FGFR1OP2: variants seen among roughly 807,000 people sequenced by gnomAD.
FGFR1OP2 encodes the protein fibroblast growth factor receptor 1 oncogene partner 2.
FGFR1OP2 carries 17 observed loss-of-function variants against 35.2 expected under a neutral mutation model. The ratio of observed to expected loss-of-function variants is 0.48; its 90% CI spans 0.33 to 0.73. FGFR1OP2 has a LOEUF of 0.73. FGFR1OP2 is among the 30% of genes least tolerant of loss of function. The pLI is 0.02. For missense variants in FGFR1OP2, 251 were observed against 307.3 expected (o/e 0.82, Z 1.37); for synonymous variants, 105 against 104.6 (o/e 1.00, Z -0.03).
intron 5 of FGFR1OP2, 129 bp from the exon 6 acceptor site, chr12:26,963,213 G>A (rs1025407462): frequency 1.5e-5 from 8 of 531,190 alleles, no homozygotes; most frequent in Non-Finnish European, 2.4e-5. Context: ...GTTAATATTT[G>A]TTTTATTCAT....
intron 5 of FGFR1OP2, chr12:26,963,044 C>CA (rs1211534053): frequency 7.0e-4 from 143 of 205,058 alleles, no homozygotes; most frequent in South Asian, 1.4e-3. Flanking sequence ...TATGTAAGTG[C>CA]AAAAAAAAAG....
chr12:26,949,402 G>C (rs1938880560), intron 1 of FGFR1OP2, among the ~76,000 whole-genome samples: 1 of 152,014 alleles, frequency 6.6e-6, no homozygotes, highest in African/African-American at 2.4e-5. Flanking sequence ...AAAGTGCTGG[G>C]ATTACAGGTG....
intron 2 of FGFR1OP2, 66 bp from the exon 3 acceptor site, chr12:26,956,477 A>ATC (rs1336074583): frequency 4.0e-6 from 1 of 251,464 alleles, no homozygotes; most frequent in Non-Finnish European, 6.1e-6. Context: ...ATATTTATAT[A>ATC]TCATATATAT....
intron 1 of FGFR1OP2, among the ~76,000 whole-genome samples, chr12:26,940,257 A>G (rs928557883): frequency 3.3e-5 from 5 of 152,198 alleles, no homozygotes; most frequent in African/African-American, 9.7e-5. Flanking sequence ...TGAAACTTAT[A>G]TTCAGCCACA....
chr12:26,940,441 C>A (rs1446233729), intron 1 of FGFR1OP2, among the ~76,000 whole-genome samples: 1 of 152,128 alleles, frequency 6.6e-6, no homozygotes, highest in Non-Finnish European at 1.5e-5. Context: ...TCACATACAG[C>A]GATGTGCCTT....
intron 1 of FGFR1OP2, among the ~76,000 whole-genome samples, chr12:26,952,991 G>T (rs61618590): frequency 1.3e-5 from 2 of 151,972 alleles, no homozygotes; most frequent in South Asian, 4.1e-4. Context: ...AGCTGGGCAC[G>T]GTGGCTCACA....
chr12:26,949,350 G>A (rs751766605), intron 1 of FGFR1OP2, among the ~76,000 whole-genome samples: 6 of 151,706 alleles, frequency 4.0e-5, no homozygotes, highest in South Asian at 2.1e-4. Context: ...TAGGCTGGTC[G>A]CGAACTCCTG....
Position 26,960,531 on chromosome 12 carries a change from G to GT in FGFR1OP2, c.414dup (p.Asn139Ter). Reference sequence around the variant, plus strand: ...ATACTACAGATTGACATGGTACATCGTAACAAGTCCGAAGGATTCTTCCTT... The same window carrying GT: ...ATACTACAGATTGACATGGTACATCGTTAACAAGTCCGAAGGATTCTTCCTT... On this transcript the variant is annotated frameshift_variant, in exon 5 of 7. Transcript: ENST00000229395. LOFTEE classifies it high-confidence loss of function. 1 of 1,612,502 alleles carries GT rather than the reference G, an allele frequency of 6.2e-7. No individual in the cohort carries two copies. Among genetic ancestry groups the GT allele is most frequent in the Non-Finnish European group, 8.5e-7 (1 of 1,179,052 alleles).
At chr12:26,945,687 C>T (rs556643888) in intron 1 of FGFR1OP2, among the ~76,000 whole-genome samples, 1 of 152,020 alleles carries the variant, frequency 6.6e-6, no homozygotes, top group South Asian at 2.1e-4. Flanking sequence ...GTGGTGAAAC[C>T]GCATCTCTAC....
intron 1 of FGFR1OP2, among the ~76,000 whole-genome samples, chr12:26,946,164 A>C (rs1938818998): frequency 6.6e-6 from 1 of 151,976 alleles, no homozygotes; most frequent in Non-Finnish European, 1.5e-5. Flanking sequence ...CAGTTGTTTG[A>C]GTTAGTGCAT....
chr12:26,944,297 A>G (rs1028815006), intron 1 of FGFR1OP2, among the ~76,000 whole-genome samples: 3 of 152,140 alleles, frequency 2.0e-5, no homozygotes, highest in African/African-American at 7.2e-5. Flanking sequence ...ACACCAATGT[A>G]TTGAACAGGA....
rs993988572 is a variant in FGFR1OP2, at chr12:26,951,172, A to G, written c.-14-2973A>G. ...GATTTTTTTTTTTTCTTTTTTTGAG[A>G]TGCAGCCTCACTCTGAGGCCCAGGC... is the stretch of plus-strand genomic sequence containing the variant. On this transcript the variant is annotated intron_variant, in intron 1 of 6. Transcript: ENST00000229395. Among the ~76,000 whole-genome samples the G allele has an allele frequency of 2.4e-4, 37 of 151,160 alleles. 1 individual carries two copies. Among genetic ancestry groups the G allele is most frequent in the East Asian group, 5.8e-4 (3 of 5,142 alleles).
chr12:26,945,632 G>A (rs924294628), intron 1 of FGFR1OP2, among the ~76,000 whole-genome samples: 125 of 152,064 alleles, frequency 8.2e-4, no homozygotes, highest in African/African-American at 2.8e-3. Context: ...AGGCCTAGGC[G>A]GGCAGATCAC....
chr12:26,939,960 C>T (rs111798266), intron 1 of FGFR1OP2, among the ~76,000 whole-genome samples: 1 of 152,170 alleles, frequency 6.6e-6, no homozygotes. Flanking sequence ...TTATGAGAAA[C>T]CCTGTACTTC....
chr12:26,944,705 TACTG>T (rs1168958207), intron 1 of FGFR1OP2, among the ~76,000 whole-genome samples: 1 of 152,236 alleles, frequency 6.6e-6, no homozygotes, highest in African/African-American at 2.4e-5. Flanking sequence ...GTATCAGTAA[TACTG>T]ACATCAGTTT....
intron 1 of FGFR1OP2, among the ~76,000 whole-genome samples, chr12:26,950,363 C>T (rs558325541): frequency 1.0e-3 from 154 of 151,788 alleles, no homozygotes; most frequent in African/African-American, 3.3e-3. Flanking sequence ...GCTGAGACTA[C>T]AGGCGCATGC....
chr12:26,947,427 T>G (rs1938846979), intron 1 of FGFR1OP2, among the ~76,000 whole-genome samples: 2 of 152,176 alleles, frequency 1.3e-5, no homozygotes, highest in Non-Finnish European at 2.9e-5. Flanking sequence ...TTAACTTTTT[T>G]TTTGGAGGCA....
intron 1 of FGFR1OP2, among the ~76,000 whole-genome samples, chr12:26,948,106 A>G (rs1478752470): frequency 1.3e-5 from 2 of 152,182 alleles, no homozygotes; most frequent in Non-Finnish European, 2.9e-5. Flanking sequence ...AGGCCTTTTT[A>G]GCCTCCTCCC....
At chr12:26,950,179 ACCATCAAG>A (rs912792346) in intron 1 of FGFR1OP2, among the ~76,000 whole-genome samples, 3 of 145,094 alleles carry the variant, frequency 2.1e-5, no homozygotes, top group African/African-American at 7.7e-5. Context: ...TTAGGCAGCT[ACCATCAAG>A]CCATCAAGTA....
Sources: gnomAD v4.1 joint callset for allele counts (sites outside exome capture counted in the v4.1 genomes callset) on GRCh38, gnomAD v4.1.1 for gene constraint, MANE v1.5 for transcripts, NCBI Gene and HGNC (gene_info 2026-07-23, HGNC 2026-07-21) for gene names.